The following GRIK4 variants were observed in gnomAD, a reference collection of about 807,000 sequenced individuals.
GRIK4 encodes glutamate receptor ionotropic, kainate 4.
A neutral mutation model predicts 104.9 loss-of-function variants in GRIK4; 40 were observed. That is an observed-to-expected ratio of 0.38 (90% CI 0.30 to 0.50). The LOEUF (loss-of-function observed/expected upper bound fraction) is 0.50. Among genes scored for constraint, GRIK4 ranks in the 20% least tolerant of loss-of-function variants. The pLI is 0.93. For missense variants in GRIK4, 1,047 were observed against 1,308.1 expected, an observed-to-expected ratio of 0.80 and a Z score of 3.08; for synonymous variants, 485 against 524.9, an observed-to-expected ratio of 0.92 and a Z score of 1.04.
chr11:120,716,306 T>G (rs1950832486), intron 3 of GRIK4, among the ~76,000 whole-genome samples: 1 of 152,164 alleles, frequency 6.6e-6, no homozygotes, highest in African/African-American at 2.4e-5. Flanking sequence ...TGCAGTGGCC[T>G]GATCTCAGCT....
intron 3 of GRIK4, among the ~76,000 whole-genome samples, chr11:120,757,464 C>T (rs1251675045): frequency 6.6e-6 from 1 of 152,124 alleles, no homozygotes; most frequent in Admixed American, 6.5e-5. Flanking sequence ...GGCAAAAAGA[C>T]TTAGAGTATG....
chr11:120,818,310 C>T (rs888582630), intron 5 of GRIK4, among the ~76,000 whole-genome samples: 1 of 152,258 alleles, frequency 6.6e-6, no homozygotes, highest in Non-Finnish European at 1.5e-5. Context: ...GTCGGGCCTT[C>T]CCCTCTATCT....
intron 1 of GRIK4, among the ~76,000 whole-genome samples, chr11:120,609,718 T>C (rs1046528922): frequency 3.3e-5 from 5 of 151,980 alleles, no homozygotes; most frequent in Non-Finnish European, 4.4e-5. Flanking sequence ...TTCACCATGT[T>C]GGCCAGGCTG....
chr11:120,744,334 C>T (rs1342635226), intron 3 of GRIK4, among the ~76,000 whole-genome samples: 1 of 152,172 alleles, frequency 6.6e-6, no homozygotes, highest in Non-Finnish European at 1.5e-5. Context: ...ACGCTGGGCA[C>T]AGCAAGACCC....
chr11:120,647,901 C>T (rs1591766862), intron 1 of GRIK4, among the ~76,000 whole-genome samples: 1 of 152,246 alleles, frequency 6.6e-6, no homozygotes, highest in Non-Finnish European at 1.5e-5. Context: ...CGCCAGTGCC[C>T]AGCATGGAGC....
chr11:120,962,496 T>A lies in GRIK4; in HGVS notation c.2081T>A (p.Met694Lys). ...YQTYQRMWNYMYSKQPSVFVK... is the reference protein window; with the variant it reads ...YQTYQRMWNYKYSKQPSVFVK... ...ACCTACCAACGCATGTGGAATTACA[T>A]GTATTCCAAGCAGCCCAGCGTGTTC... The change falls in exon 18 of 21, where the codon ATG becomes AAG. Residue 694 changes from methionine to lysine, a missense_variant. This residue lies in a region of GRIK4 where 440 missense variants were observed against 652.3 expected (regional missense o/e 0.67). Coordinates refer to ENST00000527524, the MANE Select transcript of GRIK4 (RefSeq NM_014619.5). 1.2e-6 allele frequency: 2 copies of A among 1,613,770 alleles called. No individual in the cohort carries two copies. Among genetic ancestry groups the A allele is most frequent in the Non-Finnish European group, 1.7e-6 (2 of 1,179,646 alleles).
intron 1 of GRIK4, among the ~76,000 whole-genome samples, chr11:120,625,230 C>T (rs982829270): frequency 1.3e-5 from 2 of 152,136 alleles, no homozygotes; most frequent in Admixed American, 6.5e-5. Context: ...GCCAAGATTG[C>T]ACCACTGCAC....
chr11:120,910,151 A>G (rs1317134214), intron 13 of GRIK4, among the ~76,000 whole-genome samples: 1 of 152,196 alleles, frequency 6.6e-6, no homozygotes, highest in Non-Finnish European at 1.5e-5. Flanking sequence ...CTTTCTTCCC[A>G]GCCTTCAGAA....
intron 11 of GRIK4, among the ~76,000 whole-genome samples, chr11:120,885,629 C>T (rs1337671623): frequency 1.3e-5 from 2 of 152,162 alleles, no homozygotes; most frequent in Non-Finnish European, 2.9e-5. Flanking sequence ...AGGTCACCTG[C>T]CCGCCTCGGC....
intron 11 of GRIK4, among the ~76,000 whole-genome samples, chr11:120,876,714 A>G (rs1230386890): frequency 6.6e-6 from 1 of 152,156 alleles, no homozygotes; most frequent in Non-Finnish European, 1.5e-5. Context: ...TTGGACCCAG[A>G]GAGATCTACC....
intron 14 of GRIK4, among the ~76,000 whole-genome samples, chr11:120,941,637 C>T (rs984230847): frequency 2.0e-5 from 3 of 152,092 alleles, no homozygotes; most frequent in Non-Finnish European, 4.4e-5. Flanking sequence ...GTCTGACGTC[C>T]TTATAAAAAG....
At chr11:120,880,589 C>G (rs1954941221) in intron 11 of GRIK4, among the ~76,000 whole-genome samples, 1 of 152,180 alleles carries the variant, frequency 6.6e-6, no homozygotes. Context: ...AAGGGACCTT[C>G]AAGCCTTTCA....
chr11:120,527,331 G>T (rs143733726), intron 1 of GRIK4, among the ~76,000 whole-genome samples: 2 of 152,246 alleles, frequency 1.3e-5, no homozygotes, highest in African/African-American at 2.4e-5. Flanking sequence ...GGAAGCAGGG[G>T]CGGGAGCTGG....
At chr11:120,649,767 C>G (rs1949593877) in intron 1 of GRIK4, among the ~76,000 whole-genome samples, 1 of 152,176 alleles carries the variant, frequency 6.6e-6, no homozygotes, top group African/African-American at 2.4e-5. Flanking sequence ...CAGAGAGATG[C>G]CTAGCAGAGG....
chr11:120,753,304 T>TGA (rs1799626010), intron 3 of GRIK4, among the ~76,000 whole-genome samples: 1 of 81,570 alleles, frequency 1.2e-5, no homozygotes, highest in South Asian at 5.4e-4. Flanking sequence ...ACTCTGTGTG[T>TGA]GTGTGTGTGT....
chr11:120,595,160 G>A (rs1948785797), intron 1 of GRIK4, among the ~76,000 whole-genome samples: 1 of 152,150 alleles, frequency 6.6e-6, no homozygotes, highest in Non-Finnish European at 1.5e-5. Flanking sequence ...CCTCCCGCTC[G>A]CTGTGTTCCA....
chr11:120,678,993 T>A (rs1248972114), intron 3 of GRIK4, among the ~76,000 whole-genome samples: 1 of 151,702 alleles, frequency 6.6e-6, no homozygotes, highest in African/African-American at 2.4e-5. Flanking sequence ...ATCCTTAAAA[T>A]AGAGGGAATA....
intron 1 of GRIK4, among the ~76,000 whole-genome samples, chr11:120,624,524 C>T (rs1290316997): frequency 6.6e-6 from 1 of 152,144 alleles, no homozygotes; most frequent in Non-Finnish European, 1.5e-5. Context: ...GTCCTGCTTG[C>T]CCCTCCTTGC....
rs1944017526 is a variant in GRIK4, at chr11:120,952,206, G to A, written c.1591-649G>A. 6.6e-6 allele frequency among the ~76,000 whole-genome samples: 1 copy of A among 152,114 alleles called. No individual in the cohort carries two copies. Among genetic ancestry groups the A allele is most frequent in the African/African-American group, 2.4e-5 (1 of 41,434 alleles). On this transcript the variant is annotated intron_variant, in intron 14 of 20. Transcript: ENST00000527524. The surrounding 1 kb of genome is among the most constrained non-coding windows in gnomAD (Gnocchi z 5.2). ...CCCACGGTGCAGTGGAGTGAGCCCT[G>A]GGCTTTGAGTCAGGAAACATGGGCT...
Sources: allele counts gnomAD v4.1 joint callset (sites outside exome capture counted in the v4.1 genomes callset), GRCh38; gene constraint gnomAD v4.1.1; regional missense constraint gnomAD v4.1.1; non-coding constraint Gnocchi (gnomAD v3.1); transcripts MANE v1.5; gene names NCBI Gene and HGNC (gene_info 2026-07-23, HGNC 2026-07-21).